ADGRL4: variants seen among roughly 807,000 people sequenced by gnomAD.
ADGRL4 encodes EGF, latrophilin and seven transmembrane domain containing 1.
ADGRL4 carries 90 observed loss-of-function variants against 74.8 expected under a neutral mutation model. The ratio of observed to expected loss-of-function variants is 1.20; its 90% CI spans 1.02 to 1.43. ADGRL4 has a LOEUF of 1.43. Among genes scored for constraint, ADGRL4 ranks in the 40% most tolerant of loss-of-function variants. The probability of loss-of-function intolerance (pLI) is 0.00; values close to 1 mark genes in which losing one functional copy is unlikely to be tolerated. For missense variants in ADGRL4, 881 were observed against 814.3 expected (o/e 1.08, Z -1.00); for synonymous variants, 311 against 279.2 (o/e 1.11, Z -1.14).
intron 3 of ADGRL4, among the ~76,000 whole-genome samples, chr1:78,943,898 T>C (rs1392721780): frequency 6.6e-6 from 1 of 152,192 alleles, no homozygotes; most frequent in Non-Finnish European, 1.5e-5. Flanking sequence ...ATACTGGGTA[T>C]TGGGCTTTAA....
chr1:78,912,708 T>G (rs931825618), intron 12 of ADGRL4, among the ~76,000 whole-genome samples: 2 of 151,772 alleles, frequency 1.3e-5, no homozygotes, highest in African/African-American at 4.8e-5. Context: ...GGCAATATGA[T>G]ACCAAATTAT....
chr1:78,961,107 C>A (rs574179078), intron 2 of ADGRL4, among the ~76,000 whole-genome samples: 2 of 149,792 alleles, frequency 1.3e-5, no homozygotes, highest in Non-Finnish European at 3.0e-5. Flanking sequence ...TTTTTTTATA[C>A]GGAGTCTTGC....
At position 78,893,163 on chromosome 1, in the gene ADGRL4, G is replaced by T; in HGVS notation, c.1776C>A (p.Ile592=). 6.2e-7 allele frequency: 1 copy of T among 1,602,386 alleles called. No individual in the cohort carries two copies. Among genetic ancestry groups the T allele is most frequent in the Non-Finnish European group, 8.5e-7 (1 of 1,174,928 alleles). The change falls in exon 13 of 15, where the codon ATC becomes ATA. Residue 592 remains isoleucine (I), a synonymous_variant. Coordinates refer to ENST00000370742, the MANE Select transcript of ADGRL4 (RefSeq NM_022159.4). ...CAGTGTGACGAAAAACTTTGTATAT[G>T]ATGACTCCAAAAGCCAAGAGATTAA... ...ILVNLLAFGV[I]IYKVFRHTAG... is the part of the protein sequence containing the mutation.
At chr1:78,946,812 A>G (rs189651260) in intron 2 of ADGRL4, among the ~76,000 whole-genome samples, 104 of 152,300 alleles carry the variant, frequency 6.8e-4, no homozygotes, top group Admixed American at 1.4e-3. Flanking sequence ...AAAAATCAGA[A>G]ATTACAAATT....
chr1:78,976,482 G>C (rs937165835), intron 2 of ADGRL4, among the ~76,000 whole-genome samples: 4 of 151,576 alleles, frequency 2.6e-5, no homozygotes, highest in African/African-American at 4.8e-5. Context: ...CAACATCTTA[G>C]GTGAAAAATA....
At chr1:78,930,971 T>C (rs1187652324) in intron 7 of ADGRL4, among the ~76,000 whole-genome samples, 2 of 151,366 alleles carry the variant, frequency 1.3e-5, no homozygotes, top group East Asian at 3.9e-4. Flanking sequence ...AAGAGTTTAC[T>C]ATACAAAGAC....
At chr1:78,908,580 GA>G (rs1260256264) in intron 12 of ADGRL4, among the ~76,000 whole-genome samples, 1 of 151,926 alleles carries the variant, frequency 6.6e-6, no homozygotes, top group Non-Finnish European at 1.5e-5. Context: ...GATTAACTGA[GA>G]TATAAGTGTT....
At chr1:78,917,157 C>G (rs1269732713) in intron 12 of ADGRL4, among the ~76,000 whole-genome samples, 1 of 151,730 alleles carries the variant, frequency 6.6e-6, no homozygotes, top group Non-Finnish European at 1.5e-5. Flanking sequence ...ATAAAGATGA[C>G]AGTCTAATCT....
At chr1:78,949,733 A>G (rs1019876229) in intron 2 of ADGRL4, among the ~76,000 whole-genome samples, 4 of 152,200 alleles carry the variant, frequency 2.6e-5, no homozygotes, top group Non-Finnish European at 5.9e-5. Context: ...GTTCAAATCA[A>G]TTCACCAGTT....
intron 12 of ADGRL4, among the ~76,000 whole-genome samples, chr1:78,913,338 T>A (rs1466072619): frequency 6.6e-6 from 1 of 151,728 alleles, no homozygotes; most frequent in African/African-American, 2.4e-5. Context: ...ACATGTTCAC[T>A]GCAGCACTAT....
chr1:78,933,984 T>A (rs1405539727), intron 7 of ADGRL4, among the ~76,000 whole-genome samples: 1 of 152,156 alleles, frequency 6.6e-6, no homozygotes, highest in Admixed American at 6.6e-5. Context: ...AGAATCAATA[T>A]CGTGAAAATG....
chr1:79,004,180 T>C (rs11162589), intron 2 of ADGRL4, among the ~76,000 whole-genome samples: 60,299 of 151,926 alleles, frequency 0.4, 12,824 homozygotes, highest in Middle Eastern at 0.49. Flanking sequence ...TTATCCTGAA[T>C]ACATTTAGGT....
At chr1:78,897,796 A>C (rs1648429168) in intron 12 of ADGRL4, among the ~76,000 whole-genome samples, 1 of 152,184 alleles carries the variant, frequency 6.6e-6, no homozygotes, top group Non-Finnish European at 1.5e-5. Context: ...GAAAAATGTA[A>C]GTTTTCCCAG....
Position 78,889,894 on chromosome 1 carries a change from C to T in ADGRL4, c.*1260G>A. On this transcript the variant is annotated 3_prime_UTR_variant, in exon 15 of 15. Coordinates refer to ENST00000370742, the MANE Select transcript of ADGRL4 (RefSeq NM_022159.4). ...TTACAGGTCGGCAAAGAAAAATTAC[C>T]TATTTTTGAGATCAAAATCACTGCT... is the stretch of plus-strand genomic sequence containing the variant. The T allele has an allele frequency of 2.3e-6, 1 of 443,932 alleles. No homozygotes were observed. The highest frequency in any genetic ancestry group is 4.6e-6 in the Non-Finnish European group (1 of 215,260). 27.5% of individuals were successfully genotyped at this position (443,932 alleles called of 1,614,324 possible). A position where few individuals can be genotyped will look rare whatever the true frequency, so the allele number is the denominator to read the frequency against.
chr1:78,931,450 A>T (rs932751175), intron 7 of ADGRL4, among the ~76,000 whole-genome samples: 1 of 151,510 alleles, frequency 6.6e-6, no homozygotes, highest in African/African-American at 2.5e-5. Flanking sequence ...ATGGAAAGGA[A>T]AAACTGGTTC....
At chr1:78,988,444 G>A (rs1325544618) in intron 2 of ADGRL4, among the ~76,000 whole-genome samples, 1 of 151,564 alleles carries the variant, frequency 6.6e-6, no homozygotes, top group South Asian at 2.1e-4. Context: ...AACTAGAGAG[G>A]GTTCAAATGC....
At chr1:78,954,200 G>C (rs970869955) in intron 2 of ADGRL4, among the ~76,000 whole-genome samples, 2 of 151,956 alleles carry the variant, frequency 1.3e-5, no homozygotes, top group African/African-American at 4.8e-5. Flanking sequence ...GCACCTAGTA[G>C]GGTTCATATT....
intron 12 of ADGRL4, among the ~76,000 whole-genome samples, chr1:78,911,637 A>G (rs1354141217): frequency 2.3e-5 from 3 of 130,126 alleles, no homozygotes; most frequent in African/African-American, 8.5e-5. Flanking sequence ...ACACACACAC[A>G]CACTATAGTT....
intron 8 of ADGRL4, among the ~76,000 whole-genome samples, chr1:78,923,272 A>G (rs533628336): frequency 2.4e-3 from 369 of 152,168 alleles, no homozygotes; most frequent in African/African-American, 8.3e-3. Flanking sequence ...CTGGTCTCCC[A>G]TCATGCCCTA....
Sources: allele counts gnomAD v4.1 joint callset (sites outside exome capture counted in the v4.1 genomes callset), GRCh38; gene constraint gnomAD v4.1.1; transcripts MANE v1.5; gene names NCBI Gene and HGNC (gene_info 2026-07-23, HGNC 2026-07-21).